PHACTR1: variants seen among roughly 807,000 people sequenced by gnomAD.
PHACTR1 encodes phosphatase and actin regulator 1.
A neutral mutation model predicts 69.2 loss-of-function variants in PHACTR1; 16 were observed. The observed-to-expected ratio is 0.23, with a 90% CI of 0.16 to 0.35. The LOEUF (loss-of-function observed/expected upper bound fraction) is 0.35. Ranked by LOEUF, PHACTR1 falls within the 10% of genes least tolerant of loss-of-function variation. The pLI, the probability that PHACTR1 is intolerant of heterozygous loss-of-function variation, is 1.00. For missense variants in PHACTR1, 510 were observed against 734.7 expected (o/e 0.69, Z 3.54); for synonymous variants, 312 against 284.5 (o/e 1.10, Z -0.97).
chr6:13,229,981 T>C, intron 9 of PHACTR1, 56 bp from the exon 10 acceptor site: 2 of 1,515,194 alleles, frequency 1.3e-6, no homozygotes, highest in Non-Finnish European at 1.8e-6. Context: ...GGGTTGGCCC[T>C]GTGGGAGCCC....
At chr6:12,900,453 G>C (rs1399780790) in intron 4 of PHACTR1, among the ~76,000 whole-genome samples, 3 of 152,098 alleles carry the variant, frequency 2.0e-5, no homozygotes, top group Non-Finnish European at 2.9e-5. Context: ...TTTATCATGG[G>C]AAGCTGAGGT....
intron 4 of PHACTR1, among the ~76,000 whole-genome samples, chr6:12,929,226 C>T (rs1788610996): frequency 6.6e-6 from 1 of 152,136 alleles, no homozygotes; most frequent in South Asian, 2.1e-4. Context: ...AGTTTCCCCA[C>T]GTGGTTAGGC....
intron 5 of PHACTR1, among the ~76,000 whole-genome samples, chr6:13,106,037 ACTT>A (rs1485334947): frequency 6.6e-6 from 1 of 152,184 alleles, no homozygotes; most frequent in Non-Finnish European, 1.5e-5. Context: ...ATTTATGACT[ACTT>A]GTGGCAACAG....
intron 3 of PHACTR1, among the ~76,000 whole-genome samples, chr6:12,748,342 G>T (rs540344419): frequency 9.2e-5 from 14 of 152,308 alleles, no homozygotes; most frequent in Middle Eastern, 3.4e-3. Flanking sequence ...AAGTGGAGAG[G>T]GGGGGCTTGC....
intron 3 of PHACTR1, among the ~76,000 whole-genome samples, chr6:12,741,542 T>C (rs1181816158): frequency 6.6e-6 from 1 of 152,166 alleles, no homozygotes; most frequent in Non-Finnish European, 1.5e-5. Context: ...CACTATCTTG[T>C]AGTGGGACCC....
chr6:12,732,088 G>C (rs1198114302), intron 3 of PHACTR1, among the ~76,000 whole-genome samples: 1 of 151,840 alleles, frequency 6.6e-6, no homozygotes, highest in Non-Finnish European at 1.5e-5. Flanking sequence ...AGGTGGGGGA[G>C]GAGGGAAACC....
chr6:13,165,135 G>A (rs1042891723), intron 6 of PHACTR1, among the ~76,000 whole-genome samples: 1 of 152,130 alleles, frequency 6.6e-6, no homozygotes, highest in African/African-American at 2.4e-5. Context: ...TGTGATGGTA[G>A]CATGGACAGA....
In PHACTR1 at chr6:13,231,092, AAGGAAGGGAAAAG is replaced by A. The variant is rs1562037199; in HGVS notation, c.1391+901_1391+913del. Among the ~76,000 whole-genome samples, 24 of 70,006 alleles carry A rather than the reference AAGGAAGGGAAAAG, an allele frequency of 3.4e-4. 3 individuals are homozygous for A. Among genetic ancestry groups the A allele is most frequent in the African/African-American group, 1.1e-3 (22 of 20,006 alleles). The allele number at this position is 70,006 out of a possible 152,430, so 45.9% of individuals were successfully genotyped here. A position where few individuals can be genotyped will look rare whatever the true frequency, so the allele number is the denominator to read the frequency against. ...GGAAGGAAGGAAGGAAGGAAGAAGG[AAGGAAGGGAAAAG>A]AAAGAAGGAAAGAGAGAAAGAAAGA... On this transcript the variant is annotated intron_variant, in intron 10 of 14. Coordinates refer to ENST00000332995, the MANE Select transcript of PHACTR1 (RefSeq NM_030948.6).
Position 13,230,153 on chromosome 6 carries a change from C to A in PHACTR1, c.1351C>A (p.Arg451=), listed in dbSNP as rs370759003. ...CCTTCCCAGGCAGACGGATGAGGAG[C>A]GGCTGGAGCTGAGGCAACAGATTGG... The part of the protein sequence containing the change: ...NILPRQTDEE[R]LELRQQIGTK... The change falls in exon 10 of 15, where the codon CGG becomes AGG. Residue 451 remains arginine, a synonymous_variant. Coordinates refer to ENST00000332995, the MANE Select transcript of PHACTR1 (RefSeq NM_030948.6). 6.2e-7 allele frequency: 1 copy of A among 1,611,314 alleles called. No individual in the cohort carries two copies. Among genetic ancestry groups the A allele is most frequent in the Non-Finnish European group, 8.5e-7 (1 of 1,178,972 alleles).
chr6:13,150,893 T>C (rs2113447482), intron 5 of PHACTR1, among the ~76,000 whole-genome samples: 1 of 152,370 alleles, frequency 6.6e-6, no homozygotes, highest in South Asian at 2.1e-4. Flanking sequence ...TTCTAGGCTA[T>C]AGGTGTTGCA....
intron 4 of PHACTR1, among the ~76,000 whole-genome samples, chr6:12,989,611 T>C (rs1796585688): frequency 6.6e-6 from 1 of 152,182 alleles, no homozygotes; most frequent in African/African-American, 2.4e-5. Flanking sequence ...CTGTAGGATA[T>C]CCAAAGTCCG....
intron 5 of PHACTR1, among the ~76,000 whole-genome samples, chr6:13,072,250 A>G (rs1237769510): frequency 2.0e-5 from 3 of 152,228 alleles, no homozygotes; most frequent in Non-Finnish European, 4.4e-5. Context: ...GCTGAATCCT[A>G]ATCGTGGATA....
At chr6:13,150,145 G>A (rs957045765) in intron 5 of PHACTR1, among the ~76,000 whole-genome samples, 1 of 152,066 alleles carries the variant, frequency 6.6e-6, no homozygotes, top group African/African-American at 2.4e-5. Context: ...CCAGGAGTTC[G>A]AGACTAGCCT....
intron 10 of PHACTR1, among the ~76,000 whole-genome samples, chr6:13,262,364 T>C (rs1307007854): frequency 6.6e-6 from 1 of 152,070 alleles, no homozygotes; most frequent in Non-Finnish European, 1.5e-5. Flanking sequence ...TGATGGCCCA[T>C]AGGAGTACAA....
intron 4 of PHACTR1, among the ~76,000 whole-genome samples, chr6:12,965,943 T>C (rs1424102908): frequency 6.6e-6 from 1 of 152,160 alleles, no homozygotes; most frequent in African/African-American, 2.4e-5. Context: ...GACTGGAATG[T>C]CATAAATGGC....
chr6:12,749,332 C>T (rs1766228953), intron 3 of PHACTR1: 3 of 452,002 alleles, frequency 6.6e-6, no homozygotes, highest in African/African-American at 4.0e-5. Flanking sequence ...AGCACTGGCC[C>T]CTCGGCCCTG....
intron 7 of PHACTR1, among the ~76,000 whole-genome samples, chr6:13,188,397 T>A (rs1170714691): frequency 6.6e-6 from 1 of 152,240 alleles, no homozygotes; most frequent in Non-Finnish European, 1.5e-5. Context: ...ATTAATAAAC[T>A]AAGAATTCTA....
chr6:13,082,058 AG>A (rs1392997095), intron 5 of PHACTR1, among the ~76,000 whole-genome samples: 1 of 152,182 alleles, frequency 6.6e-6, no homozygotes, highest in Non-Finnish European at 1.5e-5. Context: ...AAGAACAATT[AG>A]GGGCCTAGGT....
At chr6:12,794,388 C>T (rs2127666874) in intron 4 of PHACTR1, among the ~76,000 whole-genome samples, 1 of 152,272 alleles carries the variant, frequency 6.6e-6, no homozygotes, top group Non-Finnish European at 1.5e-5. Context: ...AAGAAATTTG[C>T]CAGGCAGACA....
Sources: gnomAD v4.1 joint callset for allele counts (sites outside exome capture counted in the v4.1 genomes callset) on GRCh38, gnomAD v4.1.1 for gene constraint, MANE v1.5 for transcripts, NCBI Gene and HGNC (gene_info 2026-07-23, HGNC 2026-07-21) for gene names.